Variants in IL1A observed in about 807,000 individuals in gnomAD.
IL1A encodes the protein interleukin 1 alpha, also known as interleukin-1 alpha.
A neutral mutation model predicts 22.2 loss-of-function variants in IL1A; 16 were observed. That is an observed-to-expected ratio of 0.72 (90% CI 0.49 to 1.09). IL1A has a LOEUF of 1.09. Among genes scored for constraint, IL1A ranks in the 50% least tolerant of loss-of-function variants. IL1A has a pLI of 0.00. For missense variants in IL1A, 317 were observed against 321.8 expected (o/e 0.99, Z 0.11); for synonymous variants, 113 against 118.5 (o/e 0.95, Z 0.30).
At chr2:112,775,908 A>G (rs1273958391) in intron 6 of IL1A, among the ~76,000 whole-genome samples, 1 of 152,180 alleles carries the variant, frequency 6.6e-6, no homozygotes, top group Non-Finnish European at 1.5e-5. Flanking sequence ...CCAAGTTGAG[A>G]TGCTTCTTTC....
At chr2:112,775,932 T>C (rs563838877) in intron 6 of IL1A, among the ~76,000 whole-genome samples, 23 of 152,346 alleles carry the variant, frequency 1.5e-4, no homozygotes, top group African/African-American at 5.3e-4. Flanking sequence ...TTCTTTTAAA[T>C]CTAAAGCAAG....
intron 4 of IL1A, among the ~76,000 whole-genome samples, chr2:112,780,801 G>T (rs1681183909): frequency 6.6e-6 from 1 of 152,144 alleles, no homozygotes; most frequent in Non-Finnish European, 1.5e-5. Flanking sequence ...ACTTTGGGAG[G>T]CCAAGGTGGG....
intron 5 of IL1A, 53 bp downstream of exon 5, chr2:112,779,443 G>A (rs1159286327): frequency 1.5e-6 from 2 of 1,369,016 alleles, no homozygotes; most frequent in Admixed American, 1.9e-5. Flanking sequence ...AAATAAATAA[G>A]TAAATGAAAG....
In IL1A at chr2:112,783,728, A is replaced by T. The variant is rs377394295; in HGVS notation, c.43T>A (p.Tyr15Asn). Residue 15 changes from tyrosine to asparagine, a missense_variant, in exon 2 of 7, where the codon TAC (tyrosine) becomes AAC (asparagine). Transcript: ENST00000263339. ...PDMFEDLKNCYSENEEDSSSI... is the reference protein window; with the variant it reads ...PDMFEDLKNCNSENEEDSSSI... ...GAGATAAATCTTATTCCTTACCTGTAACAGTTCTTCAGGTCTTCAAACATG... is the reference window on the plus strand; with the variant it reads ...GAGATAAATCTTATTCCTTACCTGTTACAGTTCTTCAGGTCTTCAAACATG... 4 of 1,613,176 alleles carry T rather than the reference A, an allele frequency of 2.5e-6. No individual in the cohort carries two copies. The highest frequency in any genetic ancestry group is 3.4e-6 in the Non-Finnish European group (4 of 1,179,120).
intron 6 of IL1A, among the ~76,000 whole-genome samples, chr2:112,775,618 A>G (rs989698360): frequency 1.3e-5 from 2 of 152,170 alleles, no homozygotes; most frequent in Non-Finnish European, 2.9e-5. Context: ...TTTTGCATCA[A>G]ATCTGAGCAC....
chr2:112,781,262 C>T (rs921879177), intron 4 of IL1A, among the ~76,000 whole-genome samples: 25 of 151,820 alleles, frequency 1.6e-4, no homozygotes, highest in African/African-American at 5.6e-4. Context: ...AACTGAATCA[C>T]GAAAAGATTA....
chr2:112,777,956 G>C (rs1363166406), intron 6 of IL1A, 31 bp downstream of exon 6: 1 of 1,612,176 alleles, frequency 6.2e-7, no homozygotes, highest in East Asian at 2.2e-5. Flanking sequence ...AGATGTAAAT[G>C]AAGGTAAGTT....
At chr2:112,778,569 C>T (rs1459795543) in intron 5 of IL1A, among the ~76,000 whole-genome samples, 1 of 152,072 alleles carries the variant, frequency 6.6e-6, no homozygotes, top group African/African-American at 2.4e-5. Flanking sequence ...TAAGAGCTGT[C>T]AAATTATTTG....
At chr2:112,783,318 C>G (rs1014732675) in intron 2 of IL1A, among the ~76,000 whole-genome samples, 5 of 152,114 alleles carry the variant, frequency 3.3e-5, no homozygotes, top group Non-Finnish European at 7.4e-5. Context: ...GTGAGATTTG[C>G]CTGCATATGT....
chr2:112,779,348 G>GT lies in IL1A; in HGVS notation c.490+147dup, dbSNP rs147376170. On this transcript the variant is annotated intron_variant, in intron 5 of 6. Transcript: ENST00000263339. ...GCCCTGGCTTGGGATTTTTATGGGG[G>GT]TGCTGTGCTTCAAGCTATTCTGGAA... 4.9e-3 allele frequency: 2,658 copies of GT among 544,750 alleles called. 43 individuals are homozygous for GT. Among genetic ancestry groups the GT allele is most frequent in the African/African-American group, 0.045 (2,352 of 52,690 alleles). 33.7% of individuals were successfully genotyped at this position (544,750 alleles called of 1,614,324 possible). A position where few individuals can be genotyped will look rare whatever the true frequency, so the allele number is the denominator to read the frequency against.
chr2:112,782,940 T>C (rs1251316363), intron 2 of IL1A, among the ~76,000 whole-genome samples, 176 bp from the exon 3 acceptor site: 2 of 152,248 alleles, frequency 1.3e-5, no homozygotes, highest in African/African-American at 4.8e-5. Context: ...CATATCTTAC[T>C]AATCTGGAAT....
chr2:112,775,336 TAGCA>T, intron 6 of IL1A, 69 bp from the exon 7 acceptor site: 1 of 1,283,374 alleles, frequency 7.8e-7, no homozygotes, highest in Non-Finnish European at 1.1e-6. Context: ...CTCAATCCCT[TAGCA>T]TTTGGCCTTC....
chr2:112,778,393 A>T (rs1681138615), intron 5 of IL1A, among the ~76,000 whole-genome samples: 1 of 152,176 alleles, frequency 6.6e-6, no homozygotes, highest in Non-Finnish European at 1.5e-5. Flanking sequence ...GGGGCTGAAT[A>T]AGTGTTGAAT....
Position 112,775,197 on chromosome 2 carries a change from C to T in IL1A, c.686G>A (p.Gly229Asp). 1.2e-6 allele frequency: 2 copies of T among 1,614,104 alleles called. No homozygotes were observed. The part of the protein sequence containing the change: ...TNLLFFWETH[G>D]TKNYFTSVAH... ...AACTGATGTGAAATAGTTCTTAGTGCCGTGAGTTTCCCAGAAGAAGAGGAG... is the reference window on the plus strand; with the variant it reads ...AACTGATGTGAAATAGTTCTTAGTGTCGTGAGTTTCCCAGAAGAAGAGGAG... Residue 229 changes from glycine to aspartate, a missense_variant, in exon 7 of 7, where the codon GGC becomes GAC. Physicochemically the swap from Gly to Asp is moderately conservative, Grantham distance 94. Coordinates refer to ENST00000263339, the MANE Select transcript of IL1A (RefSeq NM_000575.5).
In IL1A at chr2:112,781,037, T is replaced by A. The variant is rs569034172; in HGVS notation, c.319+567A>T. On this transcript the variant is annotated intron_variant, in intron 4 of 6. Coordinates refer to ENST00000263339, the MANE Select transcript of IL1A (RefSeq NM_000575.5). ...TCCATCTCAAAAAAATAAAATAAAA[T>A]AATAATAATAATGATAGTAATAGCT... Among the ~76,000 whole-genome samples the A allele has an allele frequency of 3.1e-3, 474 of 151,856 alleles. 2 individuals carry two copies. The highest frequency in any genetic ancestry group is 0.011 in the African/African-American group (447 of 41,346).
At chr2:112,781,929 A>C (rs1045116114) in intron 3 of IL1A, 103 bp from the exon 4 acceptor site, 13 of 771,860 alleles carry the variant, frequency 1.7e-5, no homozygotes, top group Non-Finnish European at 2.2e-5. Flanking sequence ...GAGGATCTCC[A>C]TTCTGGTCTT....
At position 112,774,288 on chromosome 2, in the gene IL1A, A is replaced by G. The variant is rs1681058820; in HGVS notation, c.*779T>C. The G allele has an allele frequency of 6.6e-6, 1 of 152,108 alleles. No homozygotes were observed. The allele number at this position is 152,108 out of a possible 1,614,324, so 9.4% of individuals were successfully genotyped here. ...GTTTCCTGGCTATGGGATAAGCACA[A>G]CTTGGACCAAAATGCCCTGTATTAA... On this transcript the variant is annotated 3_prime_UTR_variant, in exon 7 of 7. Coordinates refer to ENST00000263339, the MANE Select transcript of IL1A (RefSeq NM_000575.5).
chr2:112,778,193 GGTGTGTGT>G (rs3074430), intron 5 of IL1A, 82 bp from the exon 6 acceptor site: 742 of 662,154 alleles, frequency 1.1e-3, no homozygotes, highest in African/African-American at 5.9e-3. Flanking sequence ...GTGTGTGCAT[GGTGTGTGT>G]GTGTGTGTGT....
At chr2:112,782,442 G>T (rs1681228310) in intron 3 of IL1A, among the ~76,000 whole-genome samples, 1 of 152,328 alleles carries the variant, frequency 6.6e-6, no homozygotes, top group Non-Finnish European at 1.5e-5. Context: ...CCTTTCTCAG[G>T]ATGGCATAAC....
Sources: allele counts gnomAD v4.1 joint callset (sites outside exome capture counted in the v4.1 genomes callset), GRCh38; gene constraint gnomAD v4.1.1; transcripts MANE v1.5; gene names NCBI Gene and HGNC (gene_info 2026-07-23, HGNC 2026-07-21).